FOXP1: variants seen among roughly 807,000 people sequenced by gnomAD.
FOXP1 encodes forkhead box P1.
Under a neutral mutation model 98.2 loss-of-function variants are expected in FOXP1, and 15 were observed. That is an observed-to-expected ratio of 0.15 (90% confidence interval 0.10 to 0.24). FOXP1 has a LOEUF of 0.24. FOXP1 is among the 10% of genes least tolerant of loss of function. FOXP1 has a pLI of 1.00. For synonymous variants in FOXP1, 371 were observed against 314.5 expected (o/e 1.18, Z -1.90); for missense variants, 633 against 848.5 (o/e 0.75, Z 3.15).
At chr3:71,557,431 G>T (rs543884996) in intron 2 of FOXP1, among the ~76,000 whole-genome samples, 1 of 149,228 alleles carries the variant, frequency 6.7e-6, no homozygotes, top group South Asian at 2.1e-4. Flanking sequence ...ATGGCACACA[G>T]CACAAAATAC....
At chr3:71,382,062 A>G (rs1560402047) in intron 3 of FOXP1, among the ~76,000 whole-genome samples, 1 of 152,188 alleles carries the variant, frequency 6.6e-6, no homozygotes. Flanking sequence ...TCTTGAGTCC[A>G]AGGCTTCAAG....
At chr3:71,389,040 T>C (rs916177956) in intron 3 of FOXP1, among the ~76,000 whole-genome samples, 14 of 152,082 alleles carry the variant, frequency 9.2e-5, no homozygotes, top group East Asian at 1.9e-4. Flanking sequence ...AGAATCTTTA[T>C]CTCTATCATT....
At position 71,566,926 on chromosome 3, in the gene FOXP1, C is replaced by T. The variant is rs149809058; in HGVS notation, c.-298+14623G>A. Among the ~76,000 whole-genome samples the T allele has an allele frequency of 5.6e-3, 854 of 152,206 alleles. 9 individuals carry two copies. Among genetic ancestry groups the T allele is most frequent in the Admixed American group, 0.011 (162 of 15,296 alleles). On this transcript the variant is annotated intron_variant, in intron 2 of 20. Transcript: ENST00000649528. The stretch of plus-strand genomic sequence containing the variant: ...TGAAACACACACACACCCATCTTCT[C>T]CCTGGGCTCTCAGAATCAGTCTCTC...
At chr3:70,987,554 GACT>G (rs1216259832) in intron 14 of FOXP1, among the ~76,000 whole-genome samples, 1 of 152,244 alleles carries the variant, frequency 6.6e-6, no homozygotes, top group African/African-American at 2.4e-5. Flanking sequence ...AGTTAGACTG[GACT>G]ACTACTCCCT....
chr3:71,389,477 A>C (rs2080875723), intron 3 of FOXP1, among the ~76,000 whole-genome samples: 1 of 152,158 alleles, frequency 6.6e-6, no homozygotes, highest in Admixed American at 6.5e-5. Context: ...GAACACAACG[A>C]CGTGTACAAA....
chr3:71,306,532 A>G (rs1186266315), intron 4 of FOXP1, among the ~76,000 whole-genome samples: 30 of 151,536 alleles, frequency 2.0e-4, no homozygotes, highest in Admixed American at 2.0e-3. Context: ...ATATATGCAT[A>G]TAAAGTGTAC....
chr3:71,364,420 T>G (rs894467232), intron 3 of FOXP1, among the ~76,000 whole-genome samples: 1 of 152,220 alleles, frequency 6.6e-6, no homozygotes, highest in African/African-American at 2.4e-5. Flanking sequence ...GGAAGTTTGA[T>G]TCCCACTTTA....
intron 6 of FOXP1, among the ~76,000 whole-genome samples, chr3:71,174,942 T>C (rs2061855211): frequency 6.6e-6 from 1 of 150,684 alleles, no homozygotes; most frequent in Non-Finnish European, 1.5e-5. Context: ...AGATGGAGTC[T>C]CGCTCTTGTT....
At chr3:71,428,797 G>A (rs2084401746) in intron 3 of FOXP1, among the ~76,000 whole-genome samples, 1 of 152,204 alleles carries the variant, frequency 6.6e-6, no homozygotes, top group Non-Finnish European at 1.5e-5. Context: ...GAAACTTGAA[G>A]GGGAACATTG....
intron 14 of FOXP1, among the ~76,000 whole-genome samples, chr3:70,987,293 A>G (rs1280727218): frequency 2.0e-5 from 3 of 152,264 alleles, no homozygotes; most frequent in Non-Finnish European, 1.5e-5. Context: ...TTTTAGGTTC[A>G]GACACGATCC....
chr3:71,576,872 G>T (rs142579040), intron 2 of FOXP1, among the ~76,000 whole-genome samples: 2 of 152,114 alleles, frequency 1.3e-5, no homozygotes, highest in Non-Finnish European at 2.9e-5. Flanking sequence ...TTCTCACAGC[G>T]GCTGGCTAGA....
At chr3:71,434,174 G>A (rs2084987616) in intron 3 of FOXP1, among the ~76,000 whole-genome samples, 1 of 152,150 alleles carries the variant, frequency 6.6e-6, no homozygotes, top group Non-Finnish European at 1.5e-5. Flanking sequence ...GAAGAAACAG[G>A]ACAAATACAT....
intron 6 of FOXP1, among the ~76,000 whole-genome samples, chr3:71,152,741 A>G (rs951260981): frequency 6.6e-6 from 1 of 152,210 alleles, no homozygotes; most frequent in Admixed American, 6.5e-5. Flanking sequence ...AGAGATTAAA[A>G]GAGACAACAC....
chr3:71,456,751 G>A (rs1171883143), intron 3 of FOXP1, among the ~76,000 whole-genome samples: 7 of 151,554 alleles, frequency 4.6e-5, no homozygotes, highest in Non-Finnish European at 7.4e-5. Context: ...TACTAACAAC[G>A]TGGTAATTCT....
intron 8 of FOXP1, 83 bp downstream of exon 8, chr3:71,053,553 G>A: frequency 2.6e-6 from 4 of 1,547,958 alleles, no homozygotes; most frequent in Non-Finnish European, 3.6e-6. Context: ...GAGCTGCTCT[G>A]GTGGAGGGGA....
At chr3:71,218,365 C>G (rs375425833) in intron 5 of FOXP1, among the ~76,000 whole-genome samples, 3 of 152,310 alleles carry the variant, frequency 2.0e-5, no homozygotes, top group Non-Finnish European at 2.9e-5. Flanking sequence ...ACACAAGACA[C>G]TGTCATTCAT....
chr3:71,272,258 A>G (rs1283541595), intron 5 of FOXP1, among the ~76,000 whole-genome samples: 4 of 152,224 alleles, frequency 2.6e-5, no homozygotes, highest in Admixed American at 6.5e-5. Context: ...TTTGATAAAT[A>G]GATTACTAGG....
At chr3:71,005,314 T>TAA (rs60664354) in intron 12 of FOXP1, among the ~76,000 whole-genome samples, 6,891 of 25,176 alleles carry the variant, frequency 0.27, 2,084 homozygotes, top group East Asian at 0.59. Flanking sequence ...ATACCTGATT[T>TAA]AAAAAAAAAA....
chr3:71,170,039 A>C (rs770870020), intron 6 of FOXP1, among the ~76,000 whole-genome samples: 9 of 152,190 alleles, frequency 5.9e-5, no homozygotes, highest in Non-Finnish European at 1.3e-4. Flanking sequence ...AAGCAGGGGG[A>C]GCTACTCCAG....
Sources: gnomAD v4.1 joint callset for allele counts (sites outside exome capture counted in the v4.1 genomes callset) on GRCh38, gnomAD v4.1.1 for gene constraint, MANE v1.5 for transcripts, NCBI Gene and HGNC (gene_info 2026-07-23, HGNC 2026-07-21) for gene names.